Variants in ERP44 observed in about 807,000 individuals in gnomAD.
The protein encoded by ERP44 is endoplasmic reticulum resident protein 44.
Under a neutral mutation model 53.4 loss-of-function variants are expected in ERP44, and 25 were observed. The ratio of observed to expected loss-of-function variants is 0.47; its 90% CI spans 0.34 to 0.65. The LOEUF is 0.65. ERP44 is among the 30% of genes least tolerant of loss of function. ERP44 has a pLI of 0.01. For missense variants in ERP44, 338 were observed against 493.2 expected (o/e 0.69, Z 2.98); for synonymous variants, 145 against 161.2 (o/e 0.90, Z 0.76).
At chr9:100,098,488 A>C (rs1826683768) in intron 1 of ERP44, among the ~76,000 whole-genome samples, 1 of 152,222 alleles carries the variant, frequency 6.6e-6, no homozygotes, top group Non-Finnish European at 1.5e-5. Flanking sequence ...CAGGTCCACT[A>C]GCCCTCGAAA....
At chr9:100,047,921 CA>C (rs1427102962) in intron 4 of ERP44, among the ~76,000 whole-genome samples, 1 of 152,024 alleles carries the variant, frequency 6.6e-6, no homozygotes, top group Admixed American at 6.6e-5. Flanking sequence ...TTAAAATGGG[CA>C]AAGGAGTTGA....
intron 4 of ERP44, among the ~76,000 whole-genome samples, chr9:100,033,242 G>A (rs1825811544): frequency 6.6e-6 from 1 of 152,150 alleles, no homozygotes; most frequent in African/African-American, 2.4e-5. Context: ...CTAGAATGGT[G>A]TGCTTTCCTT....
chr9:100,064,904 G>A (rs1438161251), intron 1 of ERP44, among the ~76,000 whole-genome samples: 1 of 152,188 alleles, frequency 6.6e-6, no homozygotes, highest in Admixed American at 6.5e-5. Context: ...TATGTAACGT[G>A]TTGGTATTTT....
chr9:100,080,866 T>A (rs145460969), intron 1 of ERP44, among the ~76,000 whole-genome samples: 2 of 152,244 alleles, frequency 1.3e-5, no homozygotes, highest in East Asian at 3.9e-4. Flanking sequence ...TTAATAAAGA[T>A]GAGTATCCTG....
intron 4 of ERP44, among the ~76,000 whole-genome samples, chr9:100,022,630 G>A (rs974964096): frequency 3.3e-5 from 5 of 152,242 alleles, no homozygotes; most frequent in African/African-American, 9.6e-5. Flanking sequence ...TATGGGGTTC[G>A]ACAGACATTA....
At position 100,034,775 on chromosome 9, in the gene ERP44, T is replaced by A. The variant is rs181478088; in HGVS notation, c.287-12549A>T. Among the ~76,000 whole-genome samples, 65 of 152,202 alleles carry A rather than the reference T, an allele frequency of 4.3e-4. 1 individual carries two copies. The highest frequency in any genetic ancestry group is 1.4e-3 in the African/African-American group (60 of 41,528). On this transcript the variant is annotated intron_variant, in intron 4 of 11. Transcript: ENST00000262455. Reference sequence around the variant, plus strand: ...AGAGCCTCAATAGCCAAAGCAAACCTAGGCAAAAAGAACAAAGCCAGAGGC... The same window carrying A: ...AGAGCCTCAATAGCCAAAGCAAACCAAGGCAAAAAGAACAAAGCCAGAGGC...
intron 1 of ERP44, among the ~76,000 whole-genome samples, chr9:100,094,968 C>A: frequency 1.4e-5 from 2 of 145,232 alleles, no homozygotes. Flanking sequence ...CTAGACTCTG[C>A]CTCAAGAAAA....
chr9:100,092,578 G>A (rs988389758), intron 1 of ERP44, among the ~76,000 whole-genome samples: 1 of 152,158 alleles, frequency 6.6e-6, no homozygotes, highest in African/African-American at 2.4e-5. Context: ...TTTGAATGGA[G>A]ACTAATGAAG....
At chr9:100,077,566 C>T (rs541165435) in intron 1 of ERP44, among the ~76,000 whole-genome samples, 1 of 152,302 alleles carries the variant, frequency 6.6e-6, no homozygotes, top group African/African-American at 2.4e-5. Flanking sequence ...TAGTGATCCA[C>T]TAGCAAAATT....
chr9:100,086,498 G>T (rs959505605), intron 1 of ERP44, among the ~76,000 whole-genome samples: 1 of 152,126 alleles, frequency 6.6e-6, no homozygotes, highest in Non-Finnish European at 1.5e-5. Context: ...ATTTCACAAC[G>T]ACTCCATTCA....
chr9:100,098,566 G>A (rs1826687265), intron 1 of ERP44, among the ~76,000 whole-genome samples: 1 of 152,210 alleles, frequency 6.6e-6, no homozygotes, highest in African/African-American at 2.4e-5. Flanking sequence ...GTCCCTCAGG[G>A]CTAATTCTCC....
rs541222199 is a variant in ERP44 at position 99,983,546 on chromosome 9, C to T, written c.1120-833G>A. Among the ~76,000 whole-genome samples, 955 of 126,218 alleles carry T rather than the reference C, an allele frequency of 7.6e-3. 16 individuals carry two copies. The highest frequency in any genetic ancestry group is 0.028 in the African/African-American group (906 of 32,812). The allele number at this position is 126,218 out of a possible 152,430, so 82.8% of individuals were successfully genotyped here. A position where few individuals can be genotyped will look rare whatever the true frequency, so the allele number is the denominator to read the frequency against. On this transcript the variant is annotated intron_variant, in intron 11 of 11. Coordinates refer to ENST00000262455, the MANE Select transcript of ERP44 (RefSeq NM_015051.3). Reference sequence around the variant, plus strand: ...CGACCTGGGCGACAGAGCGAGACTCCGTCTCAAAAAAAAAAAAAAAAAAAA... The same window carrying T: ...CGACCTGGGCGACAGAGCGAGACTCTGTCTCAAAAAAAAAAAAAAAAAAAA...
chr9:99,991,778 TAAAG>T (rs771330563), intron 10 of ERP44, among the ~76,000 whole-genome samples: 2 of 151,160 alleles, frequency 1.3e-5, no homozygotes, highest in Admixed American at 6.6e-5. Context: ...GCAAGACTAA[TAAAG>T]AAGAAAAGAG....
At chr9:100,095,698 G>T (rs1007363974) in intron 1 of ERP44, among the ~76,000 whole-genome samples, 4 of 152,102 alleles carry the variant, frequency 2.6e-5, no homozygotes, top group African/African-American at 4.8e-5. Flanking sequence ...TGCCACAGAT[G>T]ATTCTAATGA....
chr9:100,071,164 G>A (rs139829791), intron 1 of ERP44, among the ~76,000 whole-genome samples: 2,918 of 138,758 alleles, frequency 0.021, 85 homozygotes, highest in African/African-American at 0.075. Context: ...GCATGATCTC[G>A]GCTCACTGCG....
At chr9:100,052,844 T>C (rs981070707) in intron 3 of ERP44, among the ~76,000 whole-genome samples, 3 of 152,206 alleles carry the variant, frequency 2.0e-5, no homozygotes, top group Non-Finnish European at 4.4e-5. Context: ...AAATAAGCCC[T>C]CTACAAAGTA....
intron 2 of ERP44, among the ~76,000 whole-genome samples, chr9:100,058,628 G>A (rs1193951595): frequency 1.3e-5 from 2 of 152,150 alleles, no homozygotes; most frequent in African/African-American, 2.4e-5. Flanking sequence ...TAATAGTGTT[G>A]CACAAGACGC....
intron 4 of ERP44, among the ~76,000 whole-genome samples, chr9:100,026,746 C>T (rs1461050929): frequency 1.3e-5 from 2 of 152,178 alleles, no homozygotes; most frequent in Admixed American, 1.3e-4. Context: ...ACTAGCCTAG[C>T]TGGTGCCTAC....
chr9:100,027,377 C>T (rs1005383088), intron 4 of ERP44, among the ~76,000 whole-genome samples: 1 of 152,042 alleles, frequency 6.6e-6, no homozygotes, highest in African/African-American at 2.4e-5. Context: ...AATGCAGTGG[C>T]GTTTAATTAT....
Sources: gnomAD v4.1 joint callset for allele counts (sites outside exome capture counted in the v4.1 genomes callset) on GRCh38, gnomAD v4.1.1 for gene constraint, MANE v1.5 for transcripts, NCBI Gene and HGNC (gene_info 2026-07-23, HGNC 2026-07-21) for gene names.